ADK: variants seen among roughly 807,000 people sequenced by gnomAD.
ADK encodes the protein adenosine kinase, also known as N6,N6-dimethyladenosine kinase.
In ADK, 24 loss-of-function variants were observed where a neutral mutation model predicts 44.7. The observed-to-expected ratio is 0.54, with a 90% CI of 0.39 to 0.76. ADK has a LOEUF of 0.76. Ranked by LOEUF, ADK falls within the 30% of genes least tolerant of loss-of-function variation. ADK has a pLI of 0.00. For synonymous variants in ADK, 128 were observed against 142.6 expected (o/e 0.90, Z 0.73); for missense variants, 321 against 425.1 (o/e 0.76, Z 2.15).
At chr10:74,579,036 C>T (rs750757645) in intron 7 of ADK, among the ~76,000 whole-genome samples, 1 of 152,056 alleles carries the variant, frequency 6.6e-6, no homozygotes, top group Non-Finnish European at 1.5e-5. Context: ...GAGTTCAAGA[C>T]CAGCCTGGCC....
intron 9 of ADK, chr10:74,655,673 C>A: frequency 2.1e-6 from 1 of 466,564 alleles, no homozygotes; most frequent in East Asian, 5.6e-5. Context: ...CCCCGGGCCT[C>A]CCGAAGGACA....
intron 4 of ADK, among the ~76,000 whole-genome samples, chr10:74,338,699 A>G (rs1287062577): frequency 1.3e-5 from 2 of 152,230 alleles, no homozygotes; most frequent in Non-Finnish European, 2.9e-5. Flanking sequence ...CCAATTATAT[A>G]GTATTACTTA....
chr10:74,580,695 CATGGAACTCTAAGTCCAA>C (rs1851345656), intron 7 of ADK, among the ~76,000 whole-genome samples: 1 of 152,100 alleles, frequency 6.6e-6, no homozygotes, highest in Non-Finnish European at 1.5e-5. Flanking sequence ...TCCCCAGCCA[CATGGAACTCTAAGTCCAA>C]ATAAACCTCT....
intron 4 of ADK, among the ~76,000 whole-genome samples, chr10:74,316,434 G>T (rs895244184): frequency 4.6e-5 from 7 of 152,154 alleles, no homozygotes; most frequent in Non-Finnish European, 8.8e-5. Context: ...GAGACCAGGT[G>T]GAGGTAATTG....
At chr10:74,293,695 A>G (rs1469540618) in intron 3 of ADK, among the ~76,000 whole-genome samples, 4 of 152,230 alleles carry the variant, frequency 2.6e-5, no homozygotes, top group Non-Finnish European at 4.4e-5. Context: ...CTAATGTACC[A>G]TATTAGTAGG....
At position 74,423,353 on chromosome 10, in the gene ADK, A is replaced by G. The variant is rs536220023; in HGVS notation, c.555+24774A>G. 11 of 157,314 alleles carry G rather than the reference A, an allele frequency of 7.0e-5. No individual in the cohort carries two copies. In the South Asian group the frequency reaches 2.1e-3, roughly 30 times the overall value. 9.7% of individuals were successfully genotyped at this position (157,314 alleles called of 1,614,324 possible). The stretch of plus-strand genomic sequence containing the variant: ...TCCCCAGTGGTGGCACCAGTTGCTG[A>G]GTGTGATTAGTTAGAATGGATTCCA... On this transcript the variant is annotated intron_variant, in intron 6 of 10. Coordinates refer to ENST00000539909, the MANE Select transcript of ADK (RefSeq NM_006721.4).
chr10:74,439,360 G>T (rs1278580951), intron 6 of ADK, among the ~76,000 whole-genome samples: 1 of 152,094 alleles, frequency 6.6e-6, no homozygotes, highest in East Asian at 1.9e-4. Context: ...TTGAGTTCAG[G>T]AAGTACTTTA....
intron 9 of ADK, chr10:74,655,120 G>T (rs1854431626): frequency 6.8e-6 from 2 of 294,492 alleles, no homozygotes. Context: ...GAGGTTGGGG[G>T]TCAAGAAGAA....
chr10:74,303,588 GTTTTTTTTT>G lies in ADK; in HGVS notation c.195-11061_195-11053del, dbSNP rs1185036462. Reference sequence around the variant, plus strand: ...CACTTTTCATATTGGTTTTAATGTTGTTTTTTTTTTTTTTTTTTTTTTTTTTGCTAGAAA... The same window carrying G: ...CACTTTTCATATTGGTTTTAATGTTGTTTTTTTTTTTTTTTTTGCTAGAAA... On this transcript the variant is annotated intron_variant, in intron 3 of 10. Transcript: ENST00000539909. Among the ~76,000 whole-genome samples, 150 of 68,582 alleles carry G rather than the reference GTTTTTTTTT, an allele frequency of 2.2e-3. 4 individuals carry two copies. In the East Asian group the frequency reaches 0.044, roughly 20 times the overall value. 45.0% of individuals were successfully genotyped at this position (68,582 alleles called of 152,430 possible). A position where few individuals can be genotyped will look rare whatever the true frequency, so the allele number is the denominator to read the frequency against.
At chr10:74,593,571 C>T (rs1013264791) in intron 8 of ADK, among the ~76,000 whole-genome samples, 3 of 152,046 alleles carry the variant, frequency 2.0e-5, no homozygotes, top group Non-Finnish European at 2.9e-5. Flanking sequence ...GTACTATGTA[C>T]TCCAGGAACT....
chr10:74,173,428 T>C (rs181732056), intron 1 of ADK, among the ~76,000 whole-genome samples: 1 of 146,522 alleles, frequency 6.8e-6, no homozygotes, highest in Admixed American at 6.7e-5. Context: ...TTTCTTTTTC[T>C]TTCTTTTTTT....
rs560144920 is a variant in ADK at position 74,505,542 on chromosome 10, T to C, written c.556-19714T>C. Among the ~76,000 whole-genome samples the C allele has an allele frequency of 4.7e-5, 7 of 149,266 alleles. No individual in the cohort carries two copies. In the East Asian group the frequency reaches 1.4e-3, roughly 30 times the overall value. ...CTTTTTTTTTTTTTTTTTTGCCATA[T>C]CCACAGTCTCTTTTATGATATCCTT... On this transcript the variant is annotated intron_variant, in intron 6 of 10. Transcript: ENST00000539909.
At chr10:74,534,753 A>G (rs1032922013) in intron 7 of ADK, among the ~76,000 whole-genome samples, 3 of 152,112 alleles carry the variant, frequency 2.0e-5, no homozygotes, top group Non-Finnish European at 2.9e-5. Flanking sequence ...TGCTTTGATA[A>G]CTCACACTCT....
At position 74,462,575 on chromosome 10, in the gene ADK, C is replaced by T. The variant is rs935754898; in HGVS notation, c.556-62681C>T. Among the ~76,000 whole-genome samples the T allele has an allele frequency of 8.5e-5, 13 of 152,086 alleles. No individual in the cohort carries two copies. In the East Asian group the frequency reaches 2.1e-3, roughly 25 times the overall value. ...ATCCATAGAATTTTTGTGTTTTGAC[C>T]ATCAGGTAGAGTCTTACAGTTTAGT... On this transcript the variant is annotated intron_variant, in intron 6 of 10. Transcript: ENST00000539909.
intron 4 of ADK, among the ~76,000 whole-genome samples, chr10:74,333,624 C>A (rs958944338): frequency 1.3e-5 from 2 of 151,918 alleles, no homozygotes; most frequent in African/African-American, 4.8e-5. Flanking sequence ...TTTTTGATAT[C>A]TTGATTGAGA....
At chr10:74,523,824 A>G (rs1848932518) in intron 6 of ADK, among the ~76,000 whole-genome samples, 1 of 152,200 alleles carries the variant, frequency 6.6e-6, no homozygotes, top group Admixed American at 6.5e-5. Flanking sequence ...TAGTACTCCT[A>G]ATATGGTTTT....
chr10:74,572,384 G>A (rs1318860501), intron 7 of ADK, among the ~76,000 whole-genome samples: 4 of 152,314 alleles, frequency 2.6e-5, no homozygotes, highest in East Asian at 1.9e-4. Context: ...CTGTTAGTCT[G>A]ATGGGCTTCC....
intron 4 of ADK, among the ~76,000 whole-genome samples, chr10:74,373,146 A>G (rs921237095): frequency 3.9e-5 from 6 of 152,002 alleles, no homozygotes; most frequent in Non-Finnish European, 8.8e-5. Context: ...CTGGACCCCT[A>G]TCTCATATGC....
chr10:74,245,899 GT>G (rs1435662581), intron 3 of ADK, among the ~76,000 whole-genome samples: 2 of 152,066 alleles, frequency 1.3e-5, no homozygotes, highest in African/African-American at 2.4e-5. Context: ...CTGTTCTACA[GT>G]TTTTTATCTT....
Sources: gnomAD v4.1 joint callset for allele counts (sites outside exome capture counted in the v4.1 genomes callset) on GRCh38, gnomAD v4.1.1 for gene constraint, MANE v1.5 for transcripts, NCBI Gene and HGNC (gene_info 2026-07-23, HGNC 2026-07-21) for gene names.